TRMT10A: variants seen among roughly 807,000 people sequenced by gnomAD.
The protein encoded by TRMT10A is tRNA methyltransferase 10A.
TRMT10A carries 37 observed loss-of-function variants against 40.4 expected under a neutral mutation model. That is an observed-to-expected ratio of 0.92 (90% confidence interval 0.71 to 1.21). The LOEUF is 1.21. TRMT10A is among the 50% of genes most tolerant of loss of function. The pLI is 0.00. For missense variants in TRMT10A, 388 were observed against 404.3 expected (o/e 0.96, Z 0.35); for synonymous variants, 103 against 134.1 (o/e 0.77, Z 1.60).
intron 6 of TRMT10A, among the ~76,000 whole-genome samples, chr4:99,552,508 T>C (rs1724002272): frequency 6.6e-6 from 1 of 152,158 alleles, no homozygotes; most frequent in Admixed American, 6.5e-5. Context: ...AACTACACTC[T>C]ATAATATTGA....
At chr4:99,560,074 T>C (rs1724328014) in intron 1 of TRMT10A, among the ~76,000 whole-genome samples, 1 of 152,096 alleles carries the variant, frequency 6.6e-6, no homozygotes, top group Non-Finnish European at 1.5e-5. Context: ...TTCTATAGTC[T>C]TTTTTAATGC....
chr4:99,561,059 C>T (rs920044994), intron 1 of TRMT10A, among the ~76,000 whole-genome samples: 2 of 151,896 alleles, frequency 1.3e-5, no homozygotes, highest in Non-Finnish European at 2.9e-5. Context: ...CTCCGCCTCC[C>T]AGGTTCAGGC....
intron 1 of TRMT10A, chr4:99,563,655 C>T: frequency 3.0e-6 from 1 of 334,144 alleles, no homozygotes. Flanking sequence ...CTTCTAGGCT[C>T]CCAGCCAGCA....
At position 99,549,009 on chromosome 4, in the gene TRMT10A, G is replaced by A. The variant is rs1723851711; in HGVS notation, c.*79C>T. The A allele has an allele frequency of 7.3e-7, 1 of 1,367,202 alleles. No homozygotes were observed. Among genetic ancestry groups the A allele is most frequent in the African/African-American group, 1.5e-5 (1 of 68,582 alleles). 84.7% of individuals were successfully genotyped at this position (1,367,202 alleles called of 1,614,324 possible). Reference sequence around the variant, plus strand: ...CAACAGAAATAAGAGAAAATAAAATGTTCTTCCAATTTCAATATTCTATAT... The same window carrying A: ...CAACAGAAATAAGAGAAAATAAAATATTCTTCCAATTTCAATATTCTATAT... On this transcript the variant is annotated 3_prime_UTR_variant, in exon 8 of 8. Transcript: ENST00000394876.
In TRMT10A at chr4:99,553,892, T is replaced by A. The variant is rs999013152; in HGVS notation, c.538A>T (p.Lys180Ter). 6.2e-7 allele frequency: 1 copy of A among 1,613,538 alleles called. No homozygotes were observed. The highest frequency in any genetic ancestry group is 1.1e-5 in the South Asian group (1 of 91,072). The change falls in exon 6 of 8, where the codon AAA (lysine) becomes TAA (stop). Residue 180 changes from lysine (K) to a stop codon, truncating the protein, a stop_gained. Coordinates refer to ENST00000394876, the MANE Select transcript of TRMT10A (RefSeq NM_001134665.3). LOFTEE classifies it high-confidence loss of function. Reference protein sequence around the residue: ...KPEHYSELIKKEDLIYLTSDS... With the variant: ...KPEHYSELIK The stretch of plus-strand genomic sequence containing the variant: ...GACGTAAGGTAAATCAGGTCTTCTT[T>A]CTTTATGAGTTCACTATAGTGCTCT...
rs770728038 is a variant in TRMT10A at position 99,557,427 on chromosome 4, G to A, written c.349-11C>T. 6.2e-6 allele frequency: 10 copies of A among 1,610,776 alleles called. No homozygotes were observed. The highest frequency in any genetic ancestry group is 1.6e-4 in the Middle Eastern group (1 of 6,066). ...AAGTTTCTTAATGTCCTATCACAGA[G>A]TTCAATTTTTAAAGCAAAGTTATTA... On this transcript the variant is annotated splice_polypyrimidine_tract_variant and intron_variant, in intron 3 of 7. Transcript: ENST00000394876.
intron 5 of TRMT10A, among the ~76,000 whole-genome samples, chr4:99,554,414 T>C (rs1724079285): frequency 6.6e-6 from 1 of 152,174 alleles, no homozygotes; most frequent in Non-Finnish European, 1.5e-5. Flanking sequence ...CCTCTCCATC[T>C]ACATGAATCA....
rs1220797141 is a variant in TRMT10A at position 99,546,726 on chromosome 4, A to G, written c.*2362T>C. The G allele has an allele frequency of 6.6e-6, 1 of 152,256 alleles. No individual in the cohort carries two copies. Among genetic ancestry groups the G allele is most frequent in the African/African-American group, 2.4e-5 (1 of 41,568 alleles). 9.4% of individuals were successfully genotyped at this position (152,256 alleles called of 1,614,324 possible). On this transcript the variant is annotated 3_prime_UTR_variant, in exon 8 of 8. Transcript: ENST00000394876. ...CAGACATATATTTTTTGATGCATTT[A>G]TTTAGGTAGTTTAATTCTCTACTTT...
intron 1 of TRMT10A, chr4:99,563,428 G>C (rs1724538855): frequency 6.2e-6 from 1 of 160,608 alleles, no homozygotes; most frequent in South Asian, 1.5e-4. Flanking sequence ...TCAGCCCTTT[G>C]CAGGAAAAAT....
chr4:99,556,086 T>C, intron 5 of TRMT10A, 60 bp downstream of exon 5: 6 of 1,486,788 alleles, frequency 4.0e-6, no homozygotes, highest in Non-Finnish European at 5.6e-6. Context: ...GTACAAAATG[T>C]AGACCTTTAG....
chr4:99,557,089 T>C (rs898334964), intron 4 of TRMT10A, among the ~76,000 whole-genome samples: 2 of 152,148 alleles, frequency 1.3e-5, no homozygotes, highest in Non-Finnish European at 2.9e-5. Flanking sequence ...TGTCCCACAA[T>C]GAAGATATCA....
intron 3 of TRMT10A, chr4:99,557,658 T>C (rs1724217558): frequency 4.6e-6 from 2 of 434,252 alleles, no homozygotes; most frequent in Non-Finnish European, 8.2e-6. Flanking sequence ...TGCTAGTTCA[T>C]GAAAACGGCT....
rs527406303 is a variant in TRMT10A, at chr4:99,558,203, C to T, written c.194G>A (p.Arg65Gln). ...EEQRELRKQK[R>Q]KEKRKRKKLE... is the part of the protein sequence containing the mutation. ...TTTTTTCCTCTTGCGTTTTTCTTTT[C>T]GCTTTTGTCTAAAATTAGTAATTGA... The change falls in exon 3 of 8, where the codon CGA becomes CAA. Residue 65 changes from arginine (R) to glutamine (Q), a missense_variant. Transcript: ENST00000394876. 6.8e-5 allele frequency: 108 copies of T among 1,594,568 alleles called. No homozygotes were observed. The highest frequency in any genetic ancestry group is 5.8e-4 in the South Asian group (50 of 86,872).
chr4:99,551,022 A>G, intron 6 of TRMT10A, 32 bp from the exon 7 acceptor site: 1 of 1,440,574 alleles, frequency 6.9e-7, no homozygotes, highest in Non-Finnish European at 9.5e-7. Context: ...TTCGACAAGA[A>G]CATTAAATTA....
rs903046743 is a variant in TRMT10A at position 99,548,376 on chromosome 4, T to C, written c.*712A>G. 2.0e-5 allele frequency: 3 copies of C among 152,144 alleles called. No homozygotes were observed. The highest frequency in any genetic ancestry group is 7.2e-5 in the African/African-American group (3 of 41,452). The allele number at this position is 152,144 out of a possible 1,614,324, so 9.4% of individuals were successfully genotyped here. On this transcript the variant is annotated 3_prime_UTR_variant, in exon 8 of 8. Transcript: ENST00000394876. ...AATTGATCTTTCAATAGCAACAGCC[T>C]TATAAAATAATTTAGTCTGCAAAAT...
At chr4:99,552,245 T>C (rs1355421024) in intron 6 of TRMT10A, among the ~76,000 whole-genome samples, 2 of 152,214 alleles carry the variant, frequency 1.3e-5, no homozygotes, top group East Asian at 3.8e-4. Context: ...ACTTACTGAC[T>C]CACCTAGAGC....
At chr4:99,554,774 A>T (rs1724103383) in intron 5 of TRMT10A, among the ~76,000 whole-genome samples, 1 of 151,678 alleles carries the variant, frequency 6.6e-6, no homozygotes, top group African/African-American at 2.4e-5. Flanking sequence ...TAGTTTATAG[A>T]TTTAATTAAT....
rs749603901 is a variant in TRMT10A, at chr4:99,557,385, C to A, written c.380G>T (p.Arg127Leu). The A allele has an allele frequency of 6.2e-7, 1 of 1,613,490 alleles. No homozygotes were observed. Among genetic ancestry groups the A allele is most frequent in the South Asian group, 1.1e-5 (1 of 91,050 alleles). ...TGCCCGTCGGTTTTCTGCGTAACAT[C>A]GTTGAATCTGCTTATGAAGTTTCTT... ...DIKKLHKQIQ[R>L]CYAENRRALH... The change falls in exon 4 of 8, where the codon CGA becomes CTA. Residue 127 changes from arginine (R) to leucine (L), a missense_variant. Arg to Leu is a moderately radical substitution (Grantham distance 102). Coordinates refer to ENST00000394876, the MANE Select transcript of TRMT10A (RefSeq NM_001134665.3).
intron 1 of TRMT10A, among the ~76,000 whole-genome samples, chr4:99,562,357 A>G (rs1255687390): frequency 6.8e-6 from 1 of 147,832 alleles, no homozygotes; most frequent in Non-Finnish European, 1.5e-5. Flanking sequence ...GCACCAAAAG[A>G]AAAAAAAAAG....
Sources: allele counts gnomAD v4.1 joint callset (sites outside exome capture counted in the v4.1 genomes callset), GRCh38; gene constraint gnomAD v4.1.1; transcripts MANE v1.5; gene names NCBI Gene and HGNC (gene_info 2026-07-23, HGNC 2026-07-21).